The following ADCY8 variants were observed in gnomAD, a reference collection of about 807,000 sequenced individuals.
The protein encoded by ADCY8 is adenylate cyclase 8.
A neutral mutation model predicts 119.7 loss-of-function variants in ADCY8; 51 were observed. The observed-to-expected ratio is 0.43, with a 90% CI of 0.34 to 0.54. The LOEUF (loss-of-function observed/expected upper bound fraction) is 0.54. ADCY8 is among the 20% of genes least tolerant of loss of function. ADCY8 has a pLI of 0.03. For missense variants in ADCY8, 1,383 were observed against 1,598.8 expected, an observed-to-expected ratio of 0.87 and a Z score of 2.30; for synonymous variants, 665 against 651.0, an observed-to-expected ratio of 1.02 and a Z score of -0.33.
chr8:131,031,125 A>G (rs1823984026), intron 1 of ADCY8, among the ~76,000 whole-genome samples: 1 of 152,180 alleles, frequency 6.6e-6, no homozygotes, highest in African/African-American at 2.4e-5. Context: ...GGATATTCCT[A>G]TATATCTATA....
intron 2 of ADCY8, among the ~76,000 whole-genome samples, chr8:130,980,772 A>G (rs1415710114): frequency 6.6e-6 from 1 of 152,242 alleles, no homozygotes; most frequent in African/African-American, 2.4e-5. Flanking sequence ...TCAACTTTCT[A>G]GATTCCAATG....
intron 9 of ADCY8, among the ~76,000 whole-genome samples, chr8:130,866,155 G>T (rs1818113721): frequency 6.6e-6 from 1 of 151,956 alleles, no homozygotes; most frequent in Non-Finnish European, 1.5e-5. Flanking sequence ...TATAAATATA[G>T]TCCATGAGGT....
intron 2 of ADCY8, among the ~76,000 whole-genome samples, chr8:130,976,537 T>A (rs574551492): frequency 6.6e-6 from 1 of 152,306 alleles, no homozygotes; most frequent in South Asian, 2.1e-4. Context: ...ATCATCTACA[T>A]AGCGAATTCT....
intron 9 of ADCY8, among the ~76,000 whole-genome samples, chr8:130,851,952 G>C (rs1817542929): frequency 6.6e-6 from 1 of 152,136 alleles, no homozygotes; most frequent in African/African-American, 2.4e-5. Context: ...GGGAATAGGT[G>C]GTGATTGAGA....
At chr8:130,894,099 A>G (rs1819301030) in intron 7 of ADCY8, among the ~76,000 whole-genome samples, 1 of 152,156 alleles carries the variant, frequency 6.6e-6, no homozygotes. Flanking sequence ...ACTCTTATAC[A>G]ATTTACTAAT....
At chr8:130,951,459 T>C (rs1821268672) in intron 3 of ADCY8, among the ~76,000 whole-genome samples, 1 of 152,080 alleles carries the variant, frequency 6.6e-6, no homozygotes, top group Non-Finnish European at 1.5e-5. Context: ...CAAAGGAAAA[T>C]AAACTGTCAT....
chr8:130,998,238 T>A (rs761610626), intron 1 of ADCY8, among the ~76,000 whole-genome samples: 3 of 151,990 alleles, frequency 2.0e-5, no homozygotes, highest in African/African-American at 4.8e-5. Flanking sequence ...GGATGGAAAG[T>A]GATGGCACAG....
chr8:131,005,174 A>G (rs1823074930), intron 1 of ADCY8, among the ~76,000 whole-genome samples: 2 of 152,314 alleles, frequency 1.3e-5, no homozygotes, highest in East Asian at 1.9e-4. Context: ...TTGTCAAATC[A>G]TTATTAAAGG....
intron 16 of ADCY8, among the ~76,000 whole-genome samples, chr8:130,784,246 A>G (rs185111084): frequency 4.7e-5 from 1 of 21,204 alleles, no homozygotes; most frequent in Admixed American, 6.6e-4. Flanking sequence ...ATGTGCTCTT[A>G]TGTATGTGTA....
chr8:131,019,305 C>T (rs1031618375), intron 1 of ADCY8, among the ~76,000 whole-genome samples: 1 of 152,138 alleles, frequency 6.6e-6, no homozygotes, highest in Non-Finnish European at 1.5e-5. Flanking sequence ...TTTAATGATA[C>T]CATCTATTTA....
At chr8:130,834,039 G>A (rs1259081780) in intron 12 of ADCY8, among the ~76,000 whole-genome samples, 1 of 152,140 alleles carries the variant, frequency 6.6e-6, no homozygotes, top group Non-Finnish European at 1.5e-5. Flanking sequence ...TAAGAGAGTA[G>A]ATCTTACGTG....
intron 2 of ADCY8, among the ~76,000 whole-genome samples, chr8:130,982,985 A>G (rs770993028): frequency 3.3e-5 from 5 of 152,218 alleles, no homozygotes; most frequent in Non-Finnish European, 5.9e-5. Flanking sequence ...CTTCTAGCCC[A>G]GTGTCTTTCT....
intron 15 of ADCY8, among the ~76,000 whole-genome samples, chr8:130,797,757 C>T (rs989910460): frequency 1.8e-4 from 27 of 152,198 alleles, no homozygotes; most frequent in African/African-American, 6.5e-4. Flanking sequence ...CATAGTCACC[C>T]TGCCTCCCAC....
chr8:130,991,717 C>T, intron 1 of ADCY8, among the ~76,000 whole-genome samples: 1 of 152,174 alleles, frequency 6.6e-6, no homozygotes, highest in Admixed American at 6.5e-5. Context: ...AAATGTGACT[C>T]AATCTCAAGA....
In ADCY8 at chr8:131,020,901, G is replaced by T. The variant is rs138025031; in HGVS notation, c.960+18473C>A. ...AATTGTTGCCTGGTATTTATTATGT[G>T]CTATAAATTATACATCAGATGACAT... On this transcript the variant is annotated intron_variant, in intron 1 of 17. Transcript: ENST00000286355. Among the ~76,000 whole-genome samples, 149 of 152,206 alleles carry T rather than the reference G, an allele frequency of 9.8e-4. 1 individual carries two copies. Among genetic ancestry groups the T allele is most frequent in the African/African-American group, 3.4e-3 (141 of 41,524 alleles).
intron 5 of ADCY8, among the ~76,000 whole-genome samples, chr8:130,934,172 G>A (rs1820716962): frequency 6.6e-6 from 1 of 152,152 alleles, no homozygotes; most frequent in South Asian, 2.1e-4. Flanking sequence ...GATCTTCTGG[G>A]TGTCAGTCTG....
At chr8:130,943,638 C>A (rs1821025839) in intron 3 of ADCY8, among the ~76,000 whole-genome samples, 176 bp from the exon 4 acceptor site, 1 of 152,122 alleles carries the variant, frequency 6.6e-6, no homozygotes, top group South Asian at 2.1e-4. Context: ...AATATCTCAG[C>A]AGAGAGTCCA....
At chr8:130,902,241 C>T (rs1314340116) in intron 7 of ADCY8, among the ~76,000 whole-genome samples, 1 of 152,056 alleles carries the variant, frequency 6.6e-6, no homozygotes, top group Admixed American at 6.6e-5. Context: ...CATACAGACC[C>T]AAGCTAACAA....
intron 2 of ADCY8, among the ~76,000 whole-genome samples, chr8:130,975,260 T>C (rs1822036917): frequency 1.3e-5 from 2 of 152,194 alleles, no homozygotes; most frequent in African/African-American, 4.8e-5. Flanking sequence ...TATTTGCAAA[T>C]ATTGCACCAC....
Sources: gnomAD v4.1 joint callset for allele counts (sites outside exome capture counted in the v4.1 genomes callset) on GRCh38, gnomAD v4.1.1 for gene constraint, MANE v1.5 for transcripts, NCBI Gene and HGNC (gene_info 2026-07-23, HGNC 2026-07-21) for gene names.